The following ZFR2 variants were observed in gnomAD, a reference collection of about 807,000 sequenced individuals.
The protein encoded by ZFR2 is zinc finger RNA-binding protein 2.
Under a neutral mutation model 105.7 loss-of-function variants are expected in ZFR2, and 104 were observed. That is an observed-to-expected ratio of 0.98 (90% confidence interval 0.84 to 1.16). ZFR2 has a LOEUF of 1.16. Ranked by LOEUF, ZFR2 falls within the 50% of genes most tolerant of loss-of-function variation. ZFR2 has a pLI of 0.00. For synonymous variants in ZFR2, 634 were observed against 597.7 expected (o/e 1.06, Z -0.89); for missense variants, 1,425 against 1,355.5 (o/e 1.05, Z -0.80).
chr19:3,839,638 G>C (rs1268267725), intron 1 of ZFR2, among the ~76,000 whole-genome samples: 1 of 138,566 alleles, frequency 7.2e-6, no homozygotes, highest in Non-Finnish European at 1.5e-5. Context: ...TCTTTTTTAT[G>C]ACAAAATATT....
chr19:3,868,682 GC>G (rs2038463251), intron 1 of ZFR2, among the ~76,000 whole-genome samples: 1 of 151,524 alleles, frequency 6.6e-6, no homozygotes, highest in South Asian at 2.1e-4. Context: ...CCAAACCCAG[GC>G]CCCCTCCCAC....
chr19:3,808,749 C>T lies in ZFR2; in HGVS notation c.2545+123G>A, dbSNP rs922697560. 5 of 795,542 alleles carry T rather than the reference C, an allele frequency of 6.3e-6. No individual in the cohort carries two copies. In the African/African-American group the frequency reaches 8.9e-5, roughly 14 times the overall value. 49.3% of individuals were successfully genotyped at this position (795,542 alleles called of 1,614,324 possible). A position where few individuals can be genotyped will look rare whatever the true frequency, so the allele number is the denominator to read the frequency against. On this transcript the variant is annotated intron_variant, in intron 17 of 18. Coordinates refer to ENST00000262961, the MANE Select transcript of ZFR2 (RefSeq NM_015174.2). ...GGGAGCATGTGTGTGTTGTGGGCCGCACTCCTGCCTGGGCTGGACACTTCC... is the reference window on the plus strand; with the variant it reads ...GGGAGCATGTGTGTGTTGTGGGCCGTACTCCTGCCTGGGCTGGACACTTCC...
chr19:3,853,034 C>T (rs551423394), intron 1 of ZFR2, among the ~76,000 whole-genome samples: 1 of 152,162 alleles, frequency 6.6e-6, no homozygotes, highest in Non-Finnish European at 1.5e-5. Context: ...CCCAGCACTT[C>T]GGGAGGATCA....
intron 10 of ZFR2, among the ~76,000 whole-genome samples, chr19:3,820,518 C>T (rs991147580): frequency 1.3e-5 from 2 of 152,208 alleles, no homozygotes; most frequent in Admixed American, 6.5e-5. Context: ...TGAGGCCCAG[C>T]CCGGGCAGCC....
intron 17 of ZFR2, among the ~76,000 whole-genome samples, chr19:3,808,549 C>T (rs777867019): frequency 2.6e-5 from 4 of 152,212 alleles, no homozygotes; most frequent in African/African-American, 4.8e-5. Flanking sequence ...GGATTTGTGC[C>T]AGAGTGGCTC....
chr19:3,813,779 C>T lies in ZFR2; in HGVS notation c.2242+41G>A, dbSNP rs762691173. 12 of 1,608,136 alleles carry T rather than the reference C, an allele frequency of 7.5e-6. No homozygotes were observed. The highest frequency in any genetic ancestry group is 5.0e-5 in the Admixed American group (3 of 59,720). Reference sequence around the variant, plus strand: ...GGGTGTGGGGAGCGCCCTGGGGAAGCGTGAGGGGGACAGTGGTTGGAAGGA... The same window carrying T: ...GGGTGTGGGGAGCGCCCTGGGGAAGTGTGAGGGGGACAGTGGTTGGAAGGA... On this transcript the variant is annotated intron_variant, in intron 14 of 18. Coordinates refer to ENST00000262961, the MANE Select transcript of ZFR2 (RefSeq NM_015174.2). This position sits in a 1 kb window ranked among gnomAD's most constrained non-coding sequence, Gnocchi z 4.4.
intron 14 of ZFR2, among the ~76,000 whole-genome samples, 170 bp from the exon 15 acceptor site, chr19:3,811,536 C>T (rs986679198): frequency 1.3e-5 from 2 of 151,774 alleles, no homozygotes; most frequent in African/African-American, 4.8e-5. Context: ...CTCACTGCAA[C>T]CTCTGTCTCC....
chr19:3,861,648 G>T (rs1272610256), intron 1 of ZFR2, among the ~76,000 whole-genome samples: 1 of 150,048 alleles, frequency 6.7e-6, no homozygotes, highest in Non-Finnish European at 1.5e-5. Flanking sequence ...AAATAGGGCT[G>T]GGCACGGTGG....
intron 3 of ZFR2, among the ~76,000 whole-genome samples, chr19:3,833,107 G>C (rs1357680842): frequency 6.6e-6 from 1 of 151,900 alleles, no homozygotes; most frequent in Non-Finnish European, 1.5e-5. Flanking sequence ...AAATTAGCCA[G>C]GCATGGTGGC....
intron 1 of ZFR2, among the ~76,000 whole-genome samples, chr19:3,849,106 T>C (rs1281461261): frequency 6.6e-6 from 1 of 152,242 alleles, no homozygotes; most frequent in Non-Finnish European, 1.5e-5. Context: ...CATTCTTCTC[T>C]GGCTTCCCTG....
At chr19:3,818,587 C>T (rs929234097) in intron 12 of ZFR2, among the ~76,000 whole-genome samples, 2 of 152,158 alleles carry the variant, frequency 1.3e-5, no homozygotes, top group African/African-American at 2.4e-5. Context: ...ACTTAGACGA[C>T]GTGGGGACTT....
At chr19:3,866,130 C>G (rs374558489) in intron 1 of ZFR2, among the ~76,000 whole-genome samples, 2 of 152,150 alleles carry the variant, frequency 1.3e-5, no homozygotes, top group African/African-American at 4.8e-5. Flanking sequence ...GCTGAGTCAC[C>G]GCGCCTGGCC....
chr19:3,817,584 T>TAAC, intron 12 of ZFR2, among the ~76,000 whole-genome samples: 1 of 135,984 alleles, frequency 7.4e-6, no homozygotes, highest in East Asian at 2.3e-4. Flanking sequence ...ATAATAATAA[T>TAAC]AATAATAATA....
rs560549968 is a variant in ZFR2, at chr19:3,806,661, G to A, written c.2643+511C>T. 5.3e-5 allele frequency among the ~76,000 whole-genome samples: 8 copies of A among 151,982 alleles called. No individual in the cohort carries two copies. In the East Asian group the frequency reaches 1.4e-3, roughly 26 times the overall value. ...AAGGACTGTCCCAGGAGGCCCCCCC[G>A]CTCCACTGACCACCAGCTCTTTCCG... On this transcript the variant is annotated intron_variant, in intron 18 of 18. Transcript: ENST00000262961.
rs1417922110 is a variant in ZFR2 at position 3,810,766 on chromosome 19, C to T, written c.2417G>A (p.Gly806Glu). The T allele has an allele frequency of 1.3e-6, 2 of 1,549,738 alleles. No homozygotes were observed. Among genetic ancestry groups the T allele is most frequent in the Non-Finnish European group, 1.7e-6 (2 of 1,146,516 alleles). ...RDLCRRVPTW[G>E]ALPAWAMELL... Reference sequence around the variant, plus strand: ...CTGCCTTACCCAGGCTGGCAGGGCCCCCCAGGTGGGCACACGCCGGCAGAG... The same window carrying T: ...CTGCCTTACCCAGGCTGGCAGGGCCTCCCAGGTGGGCACACGCCGGCAGAG... Residue 806 changes from glycine to glutamate, a missense_variant, in exon 16 of 19, where the codon GGG becomes GAG. Physicochemically the swap from Gly to Glu is moderately conservative, Grantham distance 98 (BLOSUM62 -2). Coordinates refer to ENST00000262961, the MANE Select transcript of ZFR2 (RefSeq NM_015174.2).
chr19:3,844,829 C>T (rs2038171461), intron 1 of ZFR2, among the ~76,000 whole-genome samples: 1 of 152,308 alleles, frequency 6.6e-6, no homozygotes, highest in Admixed American at 6.5e-5. Flanking sequence ...AGGAATTCCT[C>T]TCCCTCCCTG....
intron 1 of ZFR2, among the ~76,000 whole-genome samples, chr19:3,863,869 G>A (rs1250889049): frequency 6.6e-6 from 1 of 152,096 alleles, no homozygotes; most frequent in East Asian, 1.9e-4. Flanking sequence ...CTGCCCCCAA[G>A]CCTCACTTTC....
intron 1 of ZFR2, among the ~76,000 whole-genome samples, chr19:3,864,142 T>A (rs973386407): frequency 2.6e-5 from 4 of 152,024 alleles, no homozygotes; most frequent in African/African-American, 9.7e-5. Context: ...CCCAGCACTT[T>A]AGGAGGGAAA....
chr19:3,843,658 C>A (rs1309113428), intron 1 of ZFR2, among the ~76,000 whole-genome samples: 7 of 151,844 alleles, frequency 4.6e-5, no homozygotes, highest in Admixed American at 1.3e-4. Context: ...TGGTGAAACC[C>A]TGTCTCTACT....
Sources: gnomAD v4.1 joint callset for allele counts (sites outside exome capture counted in the v4.1 genomes callset) on GRCh38, gnomAD v4.1.1 for gene constraint, Gnocchi (gnomAD v3.1) non-coding constraint, MANE v1.5 for transcripts, NCBI Gene and HGNC (gene_info 2026-07-23, HGNC 2026-07-21) for gene names.